The following CPLANE1 variants were observed in gnomAD, a reference collection of about 807,000 sequenced individuals.
CPLANE1 encodes ciliogenesis and planar polarity effector 1.
A neutral mutation model predicts 362.5 loss-of-function variants in CPLANE1; 263 were observed. The observed-to-expected ratio is 0.73, with a 90% confidence interval of 0.66 to 0.80. The LOEUF (loss-of-function observed/expected upper bound fraction) is 0.80. Among genes scored for constraint, CPLANE1 ranks in the 30% least tolerant of loss-of-function variants. The pLI, the probability that CPLANE1 is intolerant of heterozygous loss-of-function variation, is 0.00. For missense variants in CPLANE1, 3,461 were observed against 3,793.4 expected (o/e 0.91, Z 2.30); for synonymous variants, 1,212 against 1,302.6 (o/e 0.93, Z 1.50).
chr5:37,186,921 CG>C (rs955085285), intron 23 of CPLANE1, among the ~76,000 whole-genome samples: 12 of 151,860 alleles, frequency 7.9e-5, no homozygotes, highest in African/African-American at 2.9e-4. Flanking sequence ...ATTAGCCGGG[CG>C]TGTTGGCGGG....
At chr5:37,137,186 T>C (rs192949330) in intron 46 of CPLANE1, among the ~76,000 whole-genome samples, 2 of 152,352 alleles carry the variant, frequency 1.3e-5, no homozygotes, top group East Asian at 3.9e-4. Context: ...AAATAATCTC[T>C]CTCAAGTTCA....
chr5:37,211,892 G>A, intron 16 of CPLANE1: 1 of 786,740 alleles, frequency 1.3e-6, no homozygotes, highest in African/African-American at 1.7e-5. Context: ...AAATGGATGG[G>A]CCCTCTCCTG....
chr5:37,159,031 G>C (rs188186987), intron 38 of CPLANE1, among the ~76,000 whole-genome samples: 1 of 144,002 alleles, frequency 6.9e-6, no homozygotes, highest in South Asian at 2.2e-4. Flanking sequence ...TGATCCGCCC[G>C]CCTCAGCCTC....
chr5:37,158,017 T>A, intron 39 of CPLANE1, 149 bp from the exon 40 acceptor site: 1 of 767,958 alleles, frequency 1.3e-6, no homozygotes, highest in Non-Finnish European at 2.0e-6. Context: ...GTGCCTAACT[T>A]AGGAAAAGGA....
chr5:37,084,642 T>C, the CPLANE1 span, among the ~76,000 whole-genome samples: 21 of 152,118 alleles, frequency 1.4e-4, no homozygotes, highest in Middle Eastern at 3.4e-3. Context: ...TAGCCAGGCG[T>C]GGTGGCAAGC....
intron 37 of CPLANE1, among the ~76,000 whole-genome samples, chr5:37,163,902 T>C (rs1330408823): frequency 1.3e-5 from 2 of 152,202 alleles, no homozygotes; most frequent in African/African-American, 4.8e-5. Context: ...TAATCAATTA[T>C]ACCTATGTAC....
chr5:37,224,198 A>T, intron 14 of CPLANE1, 55 bp downstream of exon 14: 4 of 1,184,048 alleles, frequency 3.4e-6, no homozygotes, highest in Non-Finnish European at 4.8e-6. Flanking sequence ...GGTCTACAGC[A>T]AGCTAAAAGG....
rs1783618706 is a variant in CPLANE1, at chr5:37,185,053, C to T, written c.4216G>A (p.Val1406Ile). Reference sequence around the variant, plus strand: ...ACTTTCTGGATAGAATGCATGACAACAGACATCATTTCCTCAGTCTGGGGT... The same window carrying T: ...ACTTTCTGGATAGAATGCATGACAATAGACATCATTTCCTCAGTCTGGGGT... ...KGPQTEEMMS[V>I]VMHSIQKVRV... Residue 1406 changes from valine (V) to isoleucine (I), a missense_variant, in exon 25 of 53, where the codon GTT becomes ATT. Physicochemically the swap from Val to Ile is conservative, Grantham distance 29. Around this residue, in one of 2 missense-constraint regions of CPLANE1, gnomAD observed 3,380 missense variants for 3,666.1 expected, o/e 0.92. Coordinates refer to ENST00000651892, the MANE Select transcript of CPLANE1 (RefSeq NM_001384732.1). 6.2e-7 allele frequency: 1 copy of T among 1,612,872 alleles called. No homozygotes were observed. Among genetic ancestry groups the T allele is most frequent in the African/African-American group, 1.3e-5 (1 of 74,770 alleles).
At chr5:37,220,013 G>A (rs1004384278) in intron 15 of CPLANE1, among the ~76,000 whole-genome samples, 2 of 152,148 alleles carry the variant, frequency 1.3e-5, no homozygotes, top group Non-Finnish European at 2.9e-5. Flanking sequence ...AACACTTTGG[G>A]AGGCCAAGGT....
intron 51 of CPLANE1, among the ~76,000 whole-genome samples, chr5:37,113,955 G>A (rs1320314822): frequency 6.6e-6 from 1 of 152,156 alleles, no homozygotes; most frequent in African/African-American, 2.4e-5. Context: ...TGGGACTACA[G>A]GCACATGCCA....
chr5:37,216,950 G>C (rs1794216654), intron 15 of CPLANE1, among the ~76,000 whole-genome samples: 1 of 152,044 alleles, frequency 6.6e-6, no homozygotes. Context: ...GCCCTCAAAG[G>C]AATATTGTTA....
In CPLANE1 at chr5:37,231,056, T is replaced by C. The variant is rs1580934191; in HGVS notation, c.939-7A>G. The C allele has an allele frequency of 6.6e-7, 1 of 1,507,122 alleles. No individual in the cohort carries two copies. The highest frequency in any genetic ancestry group is 8.9e-7 in the Non-Finnish European group (1 of 1,126,996). The allele number at this position is 1,507,122 out of a possible 1,614,324, so 93.4% of individuals were successfully genotyped here. ...ATCACCTACCCAGTAGGACCTATAA[T>C]AAATAAGAGACAACATGTTTAGAAG... On this transcript the variant is annotated splice_polypyrimidine_tract_variant and splice_region_variant and intron_variant, in intron 8 of 52. Coordinates refer to ENST00000651892, the MANE Select transcript of CPLANE1 (RefSeq NM_001384732.1).
intron 45 of CPLANE1, 46 bp downstream of exon 45, chr5:37,139,294 C>CA (rs1259658553): frequency 1.4e-6 from 2 of 1,384,728 alleles, no homozygotes; most frequent in African/African-American, 3.0e-5. Flanking sequence ...TCACTATCTA[C>CA]ACCCAACTTT....
intron 8 of CPLANE1, among the ~76,000 whole-genome samples, chr5:37,233,707 C>T (rs1267861422): frequency 6.6e-6 from 1 of 151,918 alleles, no homozygotes; most frequent in Non-Finnish European, 1.5e-5. Flanking sequence ...GCCTGAGAAA[C>T]CACTCACACA....
At chr5:37,106,006 T>C (rs898373824), downstream of CPLANE1, among the ~76,000 whole-genome samples, 3 of 152,184 alleles carry the variant, frequency 2.0e-5, no homozygotes, top group Admixed American at 1.3e-4. Flanking sequence ...ATTTTATTTA[T>C]TTATTGCTGG....
Position 37,114,898 on chromosome 5 carries a change from CA to C in CPLANE1, c.9400+61del, listed in dbSNP as rs11286555. Reference sequence around the variant, plus strand: ...TGGGCAACAGAGTGAGACTCTGTCTCAAAAAAAAAAAAAAGAAAATTCAGTA... The same window carrying C: ...TGGGCAACAGAGTGAGACTCTGTCTCAAAAAAAAAAAAAGAAAATTCAGTA... On this transcript the variant is annotated intron_variant, in intron 51 of 52. Coordinates refer to ENST00000651892, the MANE Select transcript of CPLANE1 (RefSeq NM_001384732.1). The C allele has an allele frequency of 0.29, 235,206 of 808,558 alleles. 13,728 individuals are homozygous for C. The highest frequency in any genetic ancestry group is 0.7 in the African/African-American group (37,245 of 52,936). The allele number at this position is 808,558 out of a possible 1,614,324, so 50.1% of individuals were successfully genotyped here.
intron 50 of CPLANE1, among the ~76,000 whole-genome samples, chr5:37,117,819 G>A (rs7718766): frequency 0.021 from 3,255 of 152,300 alleles, 129 homozygotes; most frequent in African/African-American, 0.075. Flanking sequence ...ACGGAAAGAC[G>A]GGCTAAGGCC....
At chr5:37,085,904 G>C in the CPLANE1 span, 2 of 794,520 alleles carry the variant, frequency 2.5e-6, no homozygotes, top group Admixed American at 2.4e-5. Flanking sequence ...AAAATAATGT[G>C]GCAGGAATTA....
intron 44 of CPLANE1, chr5:37,141,386 T>G (rs2150393312): frequency 1.0e-6 from 1 of 985,306 alleles, no homozygotes; most frequent in East Asian, 1.1e-4. Context: ...ACCAAGAAAA[T>G]AAAACAAGAT....
Sources: allele counts gnomAD v4.1 joint callset (sites outside exome capture counted in the v4.1 genomes callset), GRCh38; gene constraint gnomAD v4.1.1; regional missense constraint gnomAD v4.1.1; transcripts MANE v1.5; gene names NCBI Gene and HGNC (gene_info 2026-07-23, HGNC 2026-07-21).